Variants in EDA observed in about 807,000 individuals in gnomAD.
EDA encodes ectodysplasin-A.
A neutral mutation model predicts 23.6 loss-of-function variants in EDA; 2 were observed. The ratio of observed to expected loss-of-function variants is 0.08; its 90% CI spans 0.03 to 0.27. The LOEUF is 0.27. Among genes scored for constraint, EDA ranks in the 10% least tolerant of loss-of-function variants. The pLI is 1.00. For synonymous variants in EDA, 131 were observed against 132.0 expected (o/e 0.99, Z 0.05); for missense variants, 229 against 324.2 (o/e 0.71, Z 2.26).
intron 1 of EDA, among the ~76,000 whole-genome samples, chrX:69,868,385 G>T (rs921089749): frequency 8.9e-6 from 1 of 112,199 alleles, no homozygotes; most frequent in Non-Finnish European, 1.9e-5. Context: ...TTTCATGGTT[G>T]TAGGAGGGGC....
At chrX:69,642,764 A>G (rs886144489) in intron 1 of EDA, among the ~76,000 whole-genome samples, 3 of 111,538 alleles carry the variant, frequency 2.7e-5, no homozygotes, top group African/African-American at 9.8e-5. Flanking sequence ...CACAGAAAAC[A>G]AAACAAAACA....
Position 69,764,537 on chromosome X carries a change from C to G in EDA, c.396+147833C>G, listed in dbSNP as rs1341286612. Among the ~76,000 whole-genome samples the G allele has an allele frequency of 2.1e-4, 23 of 110,381 alleles. 1 individual carries two copies. In the Admixed American group the frequency reaches 2.2e-3, roughly 11 times the overall value. On this transcript the variant is annotated intron_variant, in intron 1 of 7. Coordinates refer to ENST00000374552, the MANE Select transcript of EDA (RefSeq NM_001399.5). ...GGATTACAGGTGTGAGCCACCGCAC[C>G]CTGCCCGTTTCTTATTCTTGATGCC...
chrX:69,740,391 TA>T (rs1226900714), intron 1 of EDA, among the ~76,000 whole-genome samples: 5 of 111,540 alleles, frequency 4.5e-5, no homozygotes, highest in East Asian at 2.8e-4. Context: ...TTTTGAAAGA[TA>T]TTTTTTTCTG....
chrX:69,913,300 A>T (rs1410275983), intron 1 of EDA, among the ~76,000 whole-genome samples: 1 of 112,214 alleles, frequency 8.9e-6, no homozygotes, highest in Non-Finnish European at 1.9e-5. Flanking sequence ...TAATGTAGCA[A>T]CCTTCATCAA....
chrX:69,828,421 C>T (rs769190664), intron 1 of EDA, among the ~76,000 whole-genome samples: 7 of 112,299 alleles, frequency 6.2e-5, no homozygotes, highest in African/African-American at 1.6e-4. Context: ...TTTTTAAGCC[C>T]ATTGGAAAAG....
chrX:69,826,119 G>C lies in EDA; in HGVS notation c.397-130908G>C, dbSNP rs768750417. On this transcript the variant is annotated intron_variant, in intron 1 of 7. Transcript: ENST00000374552. The stretch of plus-strand genomic sequence containing the variant: ...TTGCTGAGGAGAGCTTTACTTCCAA[G>C]TATGTGGTCAATTTTGGAATAGGTG... Among the ~76,000 whole-genome samples the C allele has an allele frequency of 4.5e-5, 5 of 110,891 alleles. No individual in the cohort carries two copies. The East Asian group carries it at 1.1e-3, about 25-fold the overall frequency.
At chrX:69,856,000 C>T (rs2017239410) in intron 1 of EDA, among the ~76,000 whole-genome samples, 1 of 110,232 alleles carries the variant, frequency 9.1e-6, no homozygotes, top group Non-Finnish European at 1.9e-5. Context: ...ATCACCCAAG[C>T]AGTATACACT....
chrX:69,618,590 A>G (rs1932065693), intron 1 of EDA, among the ~76,000 whole-genome samples: 1 of 111,681 alleles, frequency 9.0e-6, no homozygotes, highest in Non-Finnish European at 1.9e-5. Context: ...TCACATAACT[A>G]GAGTCAAAAC....
intron 1 of EDA, among the ~76,000 whole-genome samples, chrX:69,796,187 C>T (rs777166603): frequency 1.8e-5 from 2 of 111,867 alleles, no homozygotes; most frequent in Non-Finnish European, 3.8e-5. Context: ...TGTTGGCTGT[C>T]CAGGGGCCTG....
intron 2 of EDA, among the ~76,000 whole-genome samples, chrX:70,022,481 C>T (rs922299725): frequency 2.7e-5 from 3 of 109,434 alleles, no homozygotes; most frequent in Admixed American, 2.0e-4. Context: ...GGACTACAGG[C>T]GCCCACCACC....
chrX:69,850,094 C>A (rs902909785), intron 1 of EDA, among the ~76,000 whole-genome samples: 2 of 112,203 alleles, frequency 1.8e-5, no homozygotes, highest in African/African-American at 6.5e-5. Flanking sequence ...CAGGCATGAC[C>A]AAACTGCTCG....
intron 1 of EDA, among the ~76,000 whole-genome samples, chrX:69,814,752 G>A (rs2016038367): frequency 8.9e-6 from 1 of 111,739 alleles, no homozygotes; most frequent in African/African-American, 3.3e-5. Context: ...AGAACCAAAG[G>A]AACCCCCATC....
intron 1 of EDA, among the ~76,000 whole-genome samples, chrX:69,640,860 G>T (rs1253459314): frequency 9.0e-6 from 1 of 111,210 alleles, no homozygotes; most frequent in African/African-American, 3.3e-5. Context: ...ATTGGACTTA[G>T]AGATTTACAT....
At chrX:69,924,287 T>C (rs1003570986) in intron 1 of EDA, among the ~76,000 whole-genome samples, 2 of 112,255 alleles carry the variant, frequency 1.8e-5, no homozygotes, top group African/African-American at 6.5e-5. Flanking sequence ...TCTAGGGTTT[T>C]TATGGTTCTG....
chrX:69,733,537 A>G (rs1277540083), intron 1 of EDA, among the ~76,000 whole-genome samples: 1 of 112,233 alleles, frequency 8.9e-6, no homozygotes, highest in Non-Finnish European at 1.9e-5. Context: ...AGGTAGCATG[A>G]TGCCTCCAGC....
intron 1 of EDA, among the ~76,000 whole-genome samples, chrX:69,883,065 T>G (rs777002581): frequency 3.9e-4 from 44 of 112,216 alleles, no homozygotes; most frequent in Non-Finnish European, 5.8e-4. Flanking sequence ...TCAAAGCGAT[T>G]ACTAAAGATT....
chrX:69,872,328 C>T (rs2017578177), intron 1 of EDA, among the ~76,000 whole-genome samples: 1 of 111,631 alleles, frequency 9.0e-6, no homozygotes, highest in Non-Finnish European at 1.9e-5. Flanking sequence ...ACCTATATAA[C>T]AATAACACAA....
intron 1 of EDA, among the ~76,000 whole-genome samples, chrX:69,680,673 G>T: frequency 1.5e-5 from 1 of 66,841 alleles, no homozygotes. Flanking sequence ...CCATTTGCTT[G>T]GTAGATCTTC....
At chrX:70,027,474 C>T (rs911544813) in intron 3 of EDA, among the ~76,000 whole-genome samples, 2 of 111,582 alleles carry the variant, frequency 1.8e-5, no homozygotes, top group Non-Finnish European at 1.9e-5. Context: ...GACTTTGTGT[C>T]CTCAGAAGTC....
Sources: gnomAD v4.1 joint callset for allele counts (sites outside exome capture counted in the v4.1 genomes callset) on GRCh38, gnomAD v4.1.1 for gene constraint, MANE v1.5 for transcripts, NCBI Gene and HGNC (gene_info 2026-07-23, HGNC 2026-07-21) for gene names.